The following PBX1 variants were observed in gnomAD, a reference collection of about 807,000 sequenced individuals.
PBX1 encodes the protein pre-B-cell leukemia transcription factor 1.
A neutral mutation model predicts 53.4 loss-of-function variants in PBX1; 6 were observed. That is an observed-to-expected ratio of 0.11 (90% CI 0.06 to 0.22). The LOEUF is 0.22. Among genes scored for constraint, PBX1 ranks in the 10% least tolerant of loss-of-function variants. The pLI is 1.00. For missense variants in PBX1, 251 were observed against 551.4 expected, an observed-to-expected ratio of 0.46 and a Z score of 5.46; for synonymous variants, 204 against 212.3, an observed-to-expected ratio of 0.96 and a Z score of 0.34.
intron 2 of PBX1, among the ~76,000 whole-genome samples, chr1:164,666,292 G>C (rs1389062952): frequency 6.6e-6 from 1 of 152,172 alleles, no homozygotes; most frequent in Non-Finnish European, 1.5e-5. Context: ...AAGAGGCTCT[G>C]TTCATATCTG....
chr1:164,699,765 T>A (rs1301874496), intron 2 of PBX1, among the ~76,000 whole-genome samples: 1 of 152,070 alleles, frequency 6.6e-6, no homozygotes, highest in Non-Finnish European at 1.5e-5. Flanking sequence ...CCTCTCCCCA[T>A]CCCCTTTATT....
In PBX1 at chr1:164,814,240, A is replaced by T. The variant is rs75932561; in HGVS notation, c.997+2091A>T. On this transcript the variant is annotated intron_variant, in intron 6 of 8. Coordinates refer to ENST00000420696, the MANE Select transcript of PBX1 (RefSeq NM_002585.4). ...AAACTTTTCACATAAGGTGTTTATTATGTTATGTACTTGCTCTTCAATAAT... is the reference window on the plus strand; with the variant it reads ...AAACTTTTCACATAAGGTGTTTATTTTGTTATGTACTTGCTCTTCAATAAT... 37 of 152,366 alleles carry T rather than the reference A, an allele frequency of 2.4e-4. No individual in the cohort carries two copies. The East Asian group carries it at 6.2e-3, about 25-fold the overall frequency. The allele number at this position is 152,366 out of a possible 1,614,324, so 9.4% of individuals were successfully genotyped here.
intron 3 of PBX1, among the ~76,000 whole-genome samples, chr1:164,793,462 G>A (rs1668624193): frequency 6.6e-6 from 1 of 152,186 alleles, no homozygotes; most frequent in Non-Finnish European, 1.5e-5. Context: ...GCACAGATCT[G>A]TGGATTTGGA....
chr1:164,669,995 G>A (rs576573486), intron 2 of PBX1, among the ~76,000 whole-genome samples: 1 of 152,086 alleles, frequency 6.6e-6, no homozygotes, highest in Non-Finnish European at 1.5e-5. Context: ...TTCCAAAGCT[G>A]CCAGCAGTAT....
intron 2 of PBX1, among the ~76,000 whole-genome samples, chr1:164,792,066 A>G (rs539507526): frequency 1.3e-5 from 2 of 151,590 alleles, no homozygotes; most frequent in South Asian, 2.1e-4. Context: ...CTCGTGATCA[A>G]CCCCCCACTC....
intron 2 of PBX1, among the ~76,000 whole-genome samples, chr1:164,885,047 G>C (rs1672746972): frequency 1.3e-5 from 2 of 152,160 alleles, no homozygotes; most frequent in Admixed American, 6.5e-5. Context: ...TGCTGTACAA[G>C]TACTAATTTA....
chr1:164,731,312 C>CAAA (rs57637058), intron 2 of PBX1, among the ~76,000 whole-genome samples: 1 of 118,228 alleles, frequency 8.5e-6, no homozygotes, highest in Non-Finnish European at 1.8e-5. Flanking sequence ...TTTCATCAGC[C>CAAA]AAAAAAAAAA....
chr1:164,690,898 A>G (rs569774168), intron 2 of PBX1, among the ~76,000 whole-genome samples: 2 of 152,042 alleles, frequency 1.3e-5, no homozygotes, highest in African/African-American at 2.4e-5. Flanking sequence ...GCTGCATTAC[A>G]GTTTGAAGTC....
chr1:164,611,052 T>G (rs932958439), intron 2 of PBX1, among the ~76,000 whole-genome samples: 3 of 152,198 alleles, frequency 2.0e-5, no homozygotes, highest in Non-Finnish European at 2.9e-5. Context: ...CCCAGCTCCA[T>G]AATCCTCCCC....
At chr1:164,656,728 T>C (rs767988610) in intron 2 of PBX1, among the ~76,000 whole-genome samples, 1 of 152,148 alleles carries the variant, frequency 6.6e-6, no homozygotes, top group Non-Finnish European at 1.5e-5. Flanking sequence ...AATAAAATGC[T>C]AAAATGTACA....
At chr1:164,803,594 A>C (rs1460364302) in intron 4 of PBX1, among the ~76,000 whole-genome samples, 1 of 152,214 alleles carries the variant, frequency 6.6e-6, no homozygotes. Flanking sequence ...CCACAGGAGC[A>C]TGAAAGCCAC....
At chr1:164,812,223 G>A in intron 6 of PBX1, 74 bp downstream of exon 6, 2 of 1,364,936 alleles carry the variant, frequency 1.5e-6, no homozygotes, top group Non-Finnish European at 2.0e-6. Context: ...CCTACATTGG[G>A]ATTTTCTTTT....
intron 2 of PBX1, among the ~76,000 whole-genome samples, chr1:164,634,953 T>C (rs1658651743): frequency 6.6e-6 from 1 of 152,024 alleles, no homozygotes; most frequent in Non-Finnish European, 1.5e-5. Flanking sequence ...CAAGGGGCCA[T>C]GTTGCCTGCC....
chr1:164,632,926 G>A (rs1658500899), intron 2 of PBX1, among the ~76,000 whole-genome samples: 1 of 152,124 alleles, frequency 6.6e-6, no homozygotes, highest in African/African-American at 2.4e-5. Context: ...TTCATGTAGA[G>A]TTAAGACCTG....
At chr1:164,631,736 A>C (rs1405314283) in intron 2 of PBX1, among the ~76,000 whole-genome samples, 3 of 152,262 alleles carry the variant, frequency 2.0e-5, no homozygotes, top group Non-Finnish European at 4.4e-5. Context: ...ACAGCAATTA[A>C]TGTGCATATG....
intron 2 of PBX1, among the ~76,000 whole-genome samples, chr1:164,733,428 T>G (rs190546447): frequency 2.0e-4 from 31 of 152,198 alleles, no homozygotes; most frequent in African/African-American, 7.5e-4. Context: ...CCTGTGTCGC[T>G]TTCACCCTTG....
intron 8 of PBX1, among the ~76,000 whole-genome samples, chr1:164,840,173 A>G (rs1003376034): frequency 2.0e-5 from 3 of 152,210 alleles, no homozygotes; most frequent in Admixed American, 6.5e-5. Flanking sequence ...AGAAGTTCCT[A>G]TATGAAGACA....
At chr1:164,618,574 A>G (rs1657456952) in intron 2 of PBX1, among the ~76,000 whole-genome samples, 1 of 152,198 alleles carries the variant, frequency 6.6e-6, no homozygotes, top group African/African-American at 2.4e-5. Flanking sequence ...TTTATGCTCT[A>G]TTTCTCAGTA....
intron 2 of PBX1, chr1:164,769,819 A>C (rs1466254447): frequency 1.3e-5 from 2 of 152,118 alleles, no homozygotes; most frequent in East Asian, 3.9e-4. Flanking sequence ...TGATTCCCAC[A>C]CTTTCTCTCT....
Sources: allele counts gnomAD v4.1 joint callset (sites outside exome capture counted in the v4.1 genomes callset), GRCh38; gene constraint gnomAD v4.1.1; transcripts MANE v1.5; gene names NCBI Gene and HGNC (gene_info 2026-07-23, HGNC 2026-07-21).